Variants in PRKAA2 observed in about 807,000 individuals in gnomAD.
The protein encoded by PRKAA2 is 5'-AMP-activated protein kinase catalytic subunit alpha-2.
In PRKAA2, 40 loss-of-function variants were observed where a neutral mutation model predicts 56.3. That is an observed-to-expected ratio of 0.71 (90% CI 0.55 to 0.92). The LOEUF (loss-of-function observed/expected upper bound fraction) is 0.92, where lower values mean the gene tolerates loss of function less well. Among genes scored for constraint, PRKAA2 ranks in the 40% least tolerant of loss-of-function variants. The pLI is 0.00. For synonymous variants in PRKAA2, 214 were observed against 234.2 expected, an observed-to-expected ratio of 0.91 and a Z score of 0.79; for missense variants, 542 against 686.9, an observed-to-expected ratio of 0.79 and a Z score of 2.36.
At chr1:56,693,708 G>T in intron 4 of PRKAA2, 57 bp from the exon 5 acceptor site, 1 of 1,246,622 alleles carries the variant, frequency 8.0e-7, no homozygotes, top group South Asian at 1.5e-5. Context: ...ATATTTATAT[G>T]ACTTTATCTA....
intron 1 of PRKAA2, among the ~76,000 whole-genome samples, chr1:56,646,600 A>T (rs1203282077): frequency 6.6e-6 from 1 of 152,238 alleles, no homozygotes; most frequent in Non-Finnish European, 1.5e-5. Flanking sequence ...GTTTATTAAA[A>T]ATACTTTGTT....
chr1:56,659,496 CAA>C (rs200680621), intron 1 of PRKAA2, among the ~76,000 whole-genome samples: 11 of 82,748 alleles, frequency 1.3e-4, no homozygotes, highest in Non-Finnish European at 1.5e-4. Context: ...GACTCTGTCT[CAA>C]AAAAAAAAAA....
intron 4 of PRKAA2, 137 bp downstream of exon 4, chr1:56,692,639 C>T: frequency 3.0e-6 from 2 of 672,846 alleles, no homozygotes; most frequent in South Asian, 4.2e-5. Context: ...TCCTCAGTAG[C>T]TTTTTTTTTT....
intron 6 of PRKAA2, 109 bp downstream of exon 6, chr1:56,696,268 T>G (rs1644258611): frequency 2.3e-5 from 22 of 949,256 alleles, no homozygotes; most frequent in Non-Finnish European, 7.9e-6. Context: ...CTCACCCCAG[T>G]ACTCATGCTT....
rs1330973554 is a variant in PRKAA2 at position 56,645,430 on chromosome 1, C to T, written c.43C>T (p.His15Tyr). ...QKHDGRVKIGHYVLGDTLGVG... is the reference protein window; with the variant it reads ...QKHDGRVKIGYYVLGDTLGVG... ...GCACGACGGGCGGGTGAAGATCGGA[C>T]ACTACGTGCTGGGCGACACGCTGGG... The change falls in exon 1 of 9, where the codon CAC becomes TAC. Residue 15 changes from histidine to tyrosine, a missense_variant. By Grantham distance (83) the His-to-Tyr change is moderately conservative (BLOSUM62 2). Around this residue, in one of 5 missense-constraint regions of PRKAA2, gnomAD observed 59 missense variants for 53.9 expected, o/e 1.09. Coordinates refer to ENST00000371244, the MANE Select transcript of PRKAA2 (RefSeq NM_006252.4). The T allele has an allele frequency of 6.6e-7, 1 of 1,517,312 alleles. No individual in the cohort carries two copies. Among genetic ancestry groups the T allele is most frequent in the Non-Finnish European group, 8.9e-7 (1 of 1,127,424 alleles). 94.0% of individuals were successfully genotyped at this position (1,517,312 alleles called of 1,614,324 possible).
intron 2 of PRKAA2, among the ~76,000 whole-genome samples, chr1:56,676,874 A>G (rs966081609): frequency 6.6e-6 from 1 of 152,146 alleles, no homozygotes; most frequent in African/African-American, 2.4e-5. Context: ...TTCTCACATC[A>G]CTGCTAGGAA....
At chr1:56,678,693 ATTTTTT>A (rs144835366) in intron 2 of PRKAA2, among the ~76,000 whole-genome samples, 1 of 123,474 alleles carries the variant, frequency 8.1e-6, no homozygotes. Flanking sequence ...ATCTTGTCTA[ATTTTTT>A]TTTTTTTTTT....
chr1:56,689,297 C>A (rs1644211805), intron 2 of PRKAA2, among the ~76,000 whole-genome samples: 1 of 152,214 alleles, frequency 6.6e-6, no homozygotes, highest in Non-Finnish European at 1.5e-5. Flanking sequence ...CTAGAGTTCT[C>A]AGTATAATTA....
intron 6 of PRKAA2, among the ~76,000 whole-genome samples, chr1:56,700,902 C>T (rs560430120): frequency 9.9e-5 from 15 of 152,188 alleles, no homozygotes; most frequent in African/African-American, 3.6e-4. Context: ...TCAAGGCTGC[C>T]CAGGAGCTGG....
chr1:56,698,199 A>G (rs7545066), intron 6 of PRKAA2, among the ~76,000 whole-genome samples: 56,195 of 151,344 alleles, frequency 0.37, 11,395 homozygotes, highest in Middle Eastern at 0.52. Flanking sequence ...TTACAGGCAT[A>G]AGCCACCACG....
chr1:56,670,924 G>A (rs2746340), intron 1 of PRKAA2, among the ~76,000 whole-genome samples: 32,659 of 151,788 alleles, frequency 0.22, 4,062 homozygotes, highest in South Asian at 0.46. Flanking sequence ...TATTTATTGC[G>A]GTCTCCCCAC....
chr1:56,664,268 T>C (rs537410384), intron 1 of PRKAA2, among the ~76,000 whole-genome samples: 1 of 152,180 alleles, frequency 6.6e-6, no homozygotes, highest in African/African-American at 2.4e-5. Context: ...TGCTTTAACA[T>C]TAGCAGAATT....
rs1014947307 is a variant in PRKAA2 at position 56,713,608 on chromosome 1, A to C, written c.*5895A>C. 3.9e-5 allele frequency: 6 copies of C among 152,112 alleles called. No individual in the cohort carries two copies. The highest frequency in any genetic ancestry group is 1.4e-4 in the African/African-American group (6 of 41,420). 9.4% of individuals were successfully genotyped at this position (152,112 alleles called of 1,614,324 possible). Reference sequence around the variant, plus strand: ...AATACGTAGAATTTTGACAAGGTTCATACAGTGCATACAGTGTGACCTTTT... The same window carrying C: ...AATACGTAGAATTTTGACAAGGTTCCTACAGTGCATACAGTGTGACCTTTT... On this transcript the variant is annotated 3_prime_UTR_variant, in exon 9 of 9. Transcript: ENST00000371244.
At position 56,688,653 on chromosome 1, in the gene PRKAA2, G is replaced by A. The variant is rs1050273335; in HGVS notation, c.237-2741G>A. The stretch of plus-strand genomic sequence containing the variant: ...AGCATGACTAACACTGAAAAATGTA[G>A]TATGACTCAGTGTTGTGACTCAAAG... On this transcript the variant is annotated intron_variant, in intron 2 of 8. Coordinates refer to ENST00000371244, the MANE Select transcript of PRKAA2 (RefSeq NM_006252.4). Among the ~76,000 whole-genome samples the A allele has an allele frequency of 4.6e-5, 7 of 152,212 alleles. No individual in the cohort carries two copies. The South Asian group carries it at 1.0e-3, about 22-fold the overall frequency.
intron 6 of PRKAA2, among the ~76,000 whole-genome samples, chr1:56,703,330 CTA>C (rs1644308761): frequency 1.3e-5 from 2 of 152,110 alleles, no homozygotes; most frequent in Non-Finnish European, 2.9e-5. Context: ...TTAAAAATAA[CTA>C]TGTTAAATAA....
chr1:56,702,789 T>C (rs1458430384), intron 6 of PRKAA2, among the ~76,000 whole-genome samples: 1 of 152,248 alleles, frequency 6.6e-6, no homozygotes, highest in Non-Finnish European at 1.5e-5. Context: ...TTCTAAATTA[T>C]ATACTCTCAT....
In PRKAA2 at chr1:56,707,797, A is replaced by G; in HGVS notation, c.*84A>G. On this transcript the variant is annotated 3_prime_UTR_variant, in exon 9 of 9. Transcript: ENST00000371244. ...TTTATCTTACTTTTGGATAATATCC[A>G]CTGCAATACTAATTGAGAAACATGA... The G allele has an allele frequency of 3.4e-6, 4 of 1,181,890 alleles. No individual in the cohort carries two copies. The highest frequency in any genetic ancestry group is 1.5e-5 in the South Asian group (1 of 68,344). The allele number at this position is 1,181,890 out of a possible 1,614,324, so 73.2% of individuals were successfully genotyped here. A position where few individuals can be genotyped will look rare whatever the true frequency, so the allele number is the denominator to read the frequency against.
chr1:56,652,660 G>T (rs1643911527), intron 1 of PRKAA2, among the ~76,000 whole-genome samples: 1 of 152,274 alleles, frequency 6.6e-6, no homozygotes, highest in South Asian at 2.1e-4. Context: ...TACTTGTCCT[G>T]CCTACCTTCT....
chr1:56,706,620 G>A (rs966410828), intron 8 of PRKAA2, among the ~76,000 whole-genome samples: 1 of 152,158 alleles, frequency 6.6e-6, no homozygotes. Flanking sequence ...GGTGGCCAGG[G>A]CGACCAAATA....
Sources: allele counts gnomAD v4.1 joint callset (sites outside exome capture counted in the v4.1 genomes callset), GRCh38; gene constraint gnomAD v4.1.1; regional missense constraint gnomAD v4.1.1; transcripts MANE v1.5; gene names NCBI Gene and HGNC (gene_info 2026-07-23, HGNC 2026-07-21).